The following FAAH2 variants were observed in gnomAD, a reference collection of about 807,000 sequenced individuals.
The protein encoded by FAAH2 is fatty acid amide hydrolase 2.
FAAH2 carries 60 observed loss-of-function variants against 36.9 expected under a neutral mutation model. That is an observed-to-expected ratio of 1.63 (90% CI 1.32 to 2.02). The LOEUF (loss-of-function observed/expected upper bound fraction) is 2.02. Among genes scored for constraint, FAAH2 ranks in the 30% most tolerant of loss-of-function variants. The pLI, the probability that FAAH2 is intolerant of heterozygous loss-of-function variation, is 0.00. For synonymous variants in FAAH2, 214 were observed against 143.8 expected (o/e 1.49, Z -3.49); for missense variants, 689 against 397.5 (o/e 1.73, Z -6.23).
intron 3 of FAAH2, among the ~76,000 whole-genome samples, chrX:57,328,143 G>A (rs756444884): frequency 3.6e-5 from 4 of 112,130 alleles, no homozygotes; most frequent in African/African-American, 1.3e-4. Flanking sequence ...AGCAGAGGCT[G>A]CAAAACAGCG....
Position 57,464,195 on chromosome X carries a change from G to A in FAAH2, c.1423+15477G>A, listed in dbSNP as rs2057009241. The stretch of plus-strand genomic sequence containing the variant: ...ACTGCATGTTTTTACTCAAAAGCGG[G>A]AGTTGAACAATAAGAAGACACACAC... On this transcript the variant is annotated intron_variant, in intron 10 of 10. Coordinates refer to ENST00000374900, the MANE Select transcript of FAAH2 (RefSeq NM_174912.4). 3.6e-5 allele frequency among the ~76,000 whole-genome samples: 4 copies of A among 111,294 alleles called. No homozygotes were observed. In the Middle Eastern group the frequency reaches 0.014, roughly 385 times the overall value.
chrX:57,443,818 G>A (rs2056615598), intron 8 of FAAH2, among the ~76,000 whole-genome samples: 1 of 112,224 alleles, frequency 8.9e-6, no homozygotes, highest in Non-Finnish European at 1.9e-5. Context: ...CTGTTTGTTA[G>A]TTTTCCTTCT....
chrX:57,239,547 G>T, the FAAH2 span, among the ~76,000 whole-genome samples: 1 of 109,497 alleles, frequency 9.1e-6, no homozygotes, highest in African/African-American at 3.3e-5. Flanking sequence ...ATCTTGCAGG[G>T]GTTCTTTGTA....
intron 7 of FAAH2, among the ~76,000 whole-genome samples, chrX:57,383,833 C>A (rs1221918334): frequency 7.2e-5 from 8 of 111,785 alleles, no homozygotes; most frequent in Non-Finnish European, 1.5e-4. Context: ...CTTTGAAGTT[C>A]ATATGGAACC....
the FAAH2 span, among the ~76,000 whole-genome samples, chrX:57,197,944 T>C: frequency 8.9e-6 from 1 of 112,393 alleles, no homozygotes; most frequent in African/African-American, 3.2e-5. Flanking sequence ...TGTTGTTTTC[T>C]TTGTTTTTTG....
intron 8 of FAAH2, among the ~76,000 whole-genome samples, chrX:57,436,841 A>G (rs1218627055): frequency 9.0e-6 from 1 of 111,188 alleles, no homozygotes. Flanking sequence ...AAATTGCTCC[A>G]AAAGTTCAAA....
intron 2 of FAAH2, among the ~76,000 whole-genome samples, chrX:57,298,079 G>T (rs1207786501): frequency 8.6e-5 from 1 of 11,648 alleles, no homozygotes; most frequent in African/African-American, 9.0e-5. Context: ...TCCAGGAAGT[G>T]AACTCAGCTC....
chrX:57,266,122 T>G, the FAAH2 span, among the ~76,000 whole-genome samples: 1 of 111,832 alleles, frequency 8.9e-6, no homozygotes, highest in Non-Finnish European at 1.9e-5. Context: ...AGACTACTTT[T>G]TTAACCAACT....
chrX:57,465,285 C>T (rs1167993728), intron 10 of FAAH2, among the ~76,000 whole-genome samples: 2 of 111,086 alleles, frequency 1.8e-5, no homozygotes, highest in African/African-American at 6.5e-5. Context: ...CTAATATATG[C>T]ATATGGAGAA....
At chrX:57,131,252 A>ATTTT in the FAAH2 span, among the ~76,000 whole-genome samples, 1 of 105,117 alleles carries the variant, frequency 9.5e-6, no homozygotes, top group African/African-American at 3.5e-5. Flanking sequence ...CGCCCGGCTA[A>ATTTT]TTTTTTGTAT....
chrX:57,352,070 A>ATGTG (rs2054025554), intron 5 of FAAH2, among the ~76,000 whole-genome samples: 4 of 37,441 alleles, frequency 1.1e-4, no homozygotes, highest in East Asian at 2.3e-3. Flanking sequence ...ATATATACAC[A>ATGTG]TATATATATG....
chrX:57,336,428 G>A (rs976011658), intron 4 of FAAH2, among the ~76,000 whole-genome samples: 2 of 111,629 alleles, frequency 1.8e-5, no homozygotes, highest in South Asian at 3.7e-4. Context: ...CTGTTTGGTG[G>A]TCTCTTCACA....
chrX:57,296,792 A>C (rs779009010), intron 2 of FAAH2, among the ~76,000 whole-genome samples: 13 of 112,111 alleles, frequency 1.2e-4, no homozygotes, highest in Non-Finnish European at 1.5e-4. Flanking sequence ...ACAGCACCAG[A>C]ACTACATGAT....
At chrX:57,261,659 T>A in the FAAH2 span, among the ~76,000 whole-genome samples, 1 of 109,794 alleles carries the variant, frequency 9.1e-6, no homozygotes. Context: ...AGATTAATTG[T>A]TGCCAGGGAT....
intron 4 of FAAH2, among the ~76,000 whole-genome samples, chrX:57,335,404 G>T (rs1217674045): frequency 8.9e-6 from 1 of 112,171 alleles, no homozygotes; most frequent in Non-Finnish European, 1.9e-5. Flanking sequence ...AAGGTCAACA[G>T]GTAAACACGT....
chrX:57,132,726 A>G, the FAAH2 span, among the ~76,000 whole-genome samples: 4 of 112,534 alleles, frequency 3.6e-5, no homozygotes, highest in African/African-American at 1.3e-4. Flanking sequence ...TGTCAGAGTG[A>G]TCCTGTAAAA....
At position 57,293,297 on chromosome X, in the gene FAAH2, C is replaced by T. The variant is rs192056346; in HGVS notation, c.275+717C>T. Among the ~76,000 whole-genome samples, 629 of 111,743 alleles carry T rather than the reference C, an allele frequency of 5.6e-3. 2 individuals carry two copies. Among genetic ancestry groups the T allele is most frequent in the Non-Finnish European group, 9.8e-3 (518 of 53,074 alleles). ...TTTATATCACTACACATATTGAAAA[C>T]CTATCATTTAACATGGATGGTTAAT... On this transcript the variant is annotated intron_variant, in intron 2 of 10. Transcript: ENST00000374900.
intron 8 of FAAH2, among the ~76,000 whole-genome samples, chrX:57,446,085 C>T (rs2056668341): frequency 8.9e-6 from 1 of 112,071 alleles, no homozygotes; most frequent in African/African-American, 3.2e-5. Flanking sequence ...TGTTGCATAC[C>T]ACTGGGACAG....
At chrX:57,184,017 C>A in the FAAH2 span, among the ~76,000 whole-genome samples, 1 of 110,903 alleles carries the variant, frequency 9.0e-6, no homozygotes, top group Non-Finnish European at 1.9e-5. Flanking sequence ...TACCCTCAGG[C>A]TTACTAGGGT....
Sources: allele counts gnomAD v4.1 joint callset (sites outside exome capture counted in the v4.1 genomes callset), GRCh38; gene constraint gnomAD v4.1.1; transcripts MANE v1.5; gene names NCBI Gene and HGNC (gene_info 2026-07-23, HGNC 2026-07-21).